PDE10A: variants seen among roughly 807,000 people sequenced by gnomAD.
PDE10A encodes phosphodiesterase 10A, also known as cAMP and cAMP-inhibited cGMP 3',5'-cyclic phosphodiesterase 10A.
Under a neutral mutation model 97.7 loss-of-function variants are expected in PDE10A, and 39 were observed. That is an observed-to-expected ratio of 0.40 (90% confidence interval 0.31 to 0.52). The LOEUF (loss-of-function observed/expected upper bound fraction) is 0.52. PDE10A is among the 20% of genes least tolerant of loss of function. PDE10A has a pLI of 0.56. For missense variants in PDE10A, 731 were observed against 1,047.8 expected (o/e 0.70, Z 4.17); for synonymous variants, 371 against 376.8 (o/e 0.98, Z 0.18).
intron 1 of PDE10A, among the ~76,000 whole-genome samples, chr6:165,759,084 C>T (rs2201445): frequency 0.076 from 11,606 of 152,198 alleles, 503 homozygotes; most frequent in African/African-American, 0.12. Flanking sequence ...AGTCCTGCTC[C>T]GTGCCCATAG....
chr6:165,371,512 C>A (rs1420242177), intron 18 of PDE10A, among the ~76,000 whole-genome samples: 1 of 151,910 alleles, frequency 6.6e-6, no homozygotes, highest in Non-Finnish European at 1.5e-5. Flanking sequence ...CATACACTCT[C>A]CCAAGACTAA....
intron 5 of PDE10A, among the ~76,000 whole-genome samples, chr6:165,442,664 T>A (rs1790558142): frequency 6.6e-6 from 1 of 152,154 alleles, no homozygotes; most frequent in South Asian, 2.1e-4. Context: ...TGATATGTGA[T>A]GATTACAATT....
chr6:165,596,811 C>T (rs1366084208), intron 1 of PDE10A, among the ~76,000 whole-genome samples: 2 of 152,148 alleles, frequency 1.3e-5, no homozygotes, highest in Admixed American at 1.3e-4. Context: ...CAGACAAAAT[C>T]CTTCATGGGG....
intron 7 of PDE10A, 45 bp from the exon 8 acceptor site, chr6:165,431,517 CGT>C (rs1562460373): frequency 1.1e-6 from 1 of 936,394 alleles, no homozygotes; most frequent in Non-Finnish European, 1.7e-6. Context: ...TAATACATAA[CGT>C]ATATATATAT....
rs78319422 is a variant in PDE10A at position 165,939,209 on chromosome 6, A to G, written c.-615+48320T>C. On this transcript the variant is annotated intron_variant, in intron 1 of 19. Coordinates refer to the PDE10A transcript ENST00000366882. ...TATGTACACATACAGGTTAACGAGT[A>G]TCCCTTTCTCTCCAAAACCTCTTGT... is the stretch of plus-strand genomic sequence containing the variant. Among the ~76,000 whole-genome samples, 1,244 of 152,302 alleles carry G rather than the reference A, an allele frequency of 8.2e-3. 28 individuals carry two copies. The highest frequency in any genetic ancestry group is 0.028 in the African/African-American group (1,180 of 41,550).
In PDE10A at chr6:165,715,053, C is replaced by T. The variant is rs769597262; in HGVS notation, c.-614-171485G>A. Among the ~76,000 whole-genome samples the T allele has an allele frequency of 1.2e-4, 18 of 152,358 alleles. 1 individual carries two copies. Among genetic ancestry groups the T allele is most frequent in the South Asian group, 2.1e-4 (1 of 4,834 alleles). On this transcript the variant is annotated intron_variant, in intron 1 of 19. Transcript: ENST00000366882. ...AGTGCCTGGGCAGGAACCCACGGGC[C>T]GCGAGGGTAGAGTATTGGCTCAGCC...
intron 13 of PDE10A, 25 bp from the exon 14 acceptor site, chr6:165,396,484 A>C (rs751821639): frequency 7.7e-6 from 12 of 1,565,748 alleles, no homozygotes; most frequent in African/African-American, 1.4e-5. Context: ...CAAAAAAAAA[A>C]CCCCCAAAAT....
At chr6:165,619,821 C>A (rs903868834) in intron 1 of PDE10A, among the ~76,000 whole-genome samples, 2 of 151,908 alleles carry the variant, frequency 1.3e-5, no homozygotes, top group South Asian at 2.1e-4. Flanking sequence ...AGGAATCAGA[C>A]AACCCCGGGC....
In PDE10A at chr6:165,441,153, C is replaced by T. The variant is rs565169003; in HGVS notation, c.1195-5776G>A. Among the ~76,000 whole-genome samples, 11 of 152,298 alleles carry T rather than the reference C, an allele frequency of 7.2e-5. No individual in the cohort carries two copies. The East Asian group carries it at 9.6e-4, about 13-fold the overall frequency. ...CTGCCCAAGAGACATCCTTTACTTT[C>T]CCCTCTCATCTACTGAGAGGTCTTA... On this transcript the variant is annotated intron_variant, in intron 5 of 21. Transcript: ENST00000539869.
At chr6:165,491,886 C>A (rs548371) in intron 2 of PDE10A, among the ~76,000 whole-genome samples, 43,434 of 150,714 alleles carry the variant, frequency 0.29, 6,606 homozygotes, top group African/African-American at 0.38. Context: ...GAAATCGAAA[C>A]AAAAAAACAA....
At chr6:165,890,160 T>C (rs1781752002) in intron 1 of PDE10A, among the ~76,000 whole-genome samples, 1 of 151,962 alleles carries the variant, frequency 6.6e-6, no homozygotes, top group South Asian at 2.1e-4. Context: ...GAATGTCATT[T>C]AGAGTCATTT....
intron 3 of PDE10A, among the ~76,000 whole-genome samples, chr6:165,479,189 C>A (rs1779461859): frequency 6.6e-6 from 1 of 152,100 alleles, no homozygotes; most frequent in Admixed American, 6.5e-5. Context: ...TTCTTCTACA[C>A]CCAACCTCTG....
At chr6:165,526,400 G>T (rs1303262478) in intron 2 of PDE10A, among the ~76,000 whole-genome samples, 1 of 152,178 alleles carries the variant, frequency 6.6e-6, no homozygotes, top group African/African-American at 2.4e-5. Flanking sequence ...GCAGCTGGCA[G>T]AACCCCCACA....
At chr6:165,934,941 C>A (rs1783274593) in intron 1 of PDE10A, among the ~76,000 whole-genome samples, 1 of 152,162 alleles carries the variant, frequency 6.6e-6, no homozygotes, top group Non-Finnish European at 1.5e-5. Context: ...ATGCGAAGAA[C>A]ACATATCCAA....
At position 165,969,894 on chromosome 6, in the gene PDE10A, A is replaced by G. The variant is rs1222251933; in HGVS notation, c.-615+17635T>C. Among the ~76,000 whole-genome samples the G allele has an allele frequency of 2.0e-5, 3 of 152,238 alleles. No homozygotes were observed. In the South Asian group the frequency reaches 6.2e-4, roughly 31 times the overall value. The stretch of plus-strand genomic sequence containing the variant: ...TAATTGAAGAAGTTTGGAGAAAAAG[A>G]AAATGTTTACATGATTTCAGAGTAG... On this transcript the variant is annotated intron_variant, in intron 1 of 19. Coordinates refer to the PDE10A transcript ENST00000366882.
At chr6:165,407,769 T>C (rs754168629) in intron 13 of PDE10A, among the ~76,000 whole-genome samples, 2 of 152,242 alleles carry the variant, frequency 1.3e-5, no homozygotes, top group African/African-American at 2.4e-5. Context: ...CTGATACTAC[T>C]GTCCTATTAG....
chr6:165,951,908 C>T (rs892298958), intron 1 of PDE10A, among the ~76,000 whole-genome samples: 5 of 152,250 alleles, frequency 3.3e-5, no homozygotes, highest in African/African-American at 1.2e-4. Context: ...AGCCAAAACT[C>T]TTCAACTGGC....
At chr6:165,507,901 T>C (rs891145388) in intron 2 of PDE10A, among the ~76,000 whole-genome samples, 1 of 152,026 alleles carries the variant, frequency 6.6e-6, no homozygotes, top group Admixed American at 6.6e-5. Flanking sequence ...TTCTTAAGAC[T>C]TCAAATAAAC....
At chr6:165,588,646 T>A (rs971532374) in intron 1 of PDE10A, among the ~76,000 whole-genome samples, 2 of 152,180 alleles carry the variant, frequency 1.3e-5, no homozygotes, top group Non-Finnish European at 1.5e-5. Flanking sequence ...CTTTCAGATA[T>A]ATTCCATAAA....
Sources: gnomAD v4.1 joint callset for allele counts (sites outside exome capture counted in the v4.1 genomes callset) on GRCh38, gnomAD v4.1.1 for gene constraint, MANE v1.5 for transcripts, NCBI Gene and HGNC (gene_info 2026-07-23, HGNC 2026-07-21) for gene names.